FOCAD: variants seen among roughly 807,000 people sequenced by gnomAD.
FOCAD encodes focadhesin.
In FOCAD, 198 loss-of-function variants were observed where a neutral mutation model predicts 225.6. The ratio of observed to expected loss-of-function variants is 0.88; its 90% CI spans 0.78 to 0.99. The LOEUF is 0.99. Ranked by LOEUF, FOCAD falls within the 50% of genes least tolerant of loss-of-function variation. The pLI is 0.00. For missense variants in FOCAD, 2,713 were observed against 2,123.6 expected, an observed-to-expected ratio of 1.28 and a Z score of -5.46; for synonymous variants, 897 against 755.0, an observed-to-expected ratio of 1.19 and a Z score of -3.08.
intron 39 of FOCAD, among the ~76,000 whole-genome samples, chr9:20,984,558 G>C (rs1048569033): frequency 3.3e-5 from 5 of 152,090 alleles, no homozygotes; most frequent in African/African-American, 1.2e-4. Context: ...GAGAAAAGTG[G>C]CATTGTTTTA....
At chr9:20,869,006 C>T (rs765664387) in intron 18 of FOCAD, among the ~76,000 whole-genome samples, 2 of 152,118 alleles carry the variant, frequency 1.3e-5, no homozygotes, top group Non-Finnish European at 2.9e-5. Flanking sequence ...TGTTCATATC[C>T]CAAACAAGTT....
intron 15 of FOCAD, among the ~76,000 whole-genome samples, chr9:20,855,277 CA>C (rs1828055395): frequency 6.6e-6 from 1 of 151,312 alleles, no homozygotes; most frequent in African/African-American, 2.4e-5. Context: ...ATTTTTCTAA[CA>C]TTAAATATGA....
At chr9:20,944,423 C>T in intron 28 of FOCAD, among the ~76,000 whole-genome samples, 1 of 152,086 alleles carries the variant, frequency 6.6e-6, no homozygotes, top group Non-Finnish European at 1.5e-5. Flanking sequence ...GCCACAGATA[C>T]ATGTTTTGAT....
At chr9:20,690,650 G>A (rs2131344262) in intron 1 of FOCAD, among the ~76,000 whole-genome samples, 1 of 152,286 alleles carries the variant, frequency 6.6e-6, no homozygotes, top group Admixed American at 6.5e-5. Context: ...CTGGGCTCAA[G>A]TGGTACTTCT....
chr9:20,802,439 T>G (rs1821948754), intron 11 of FOCAD, among the ~76,000 whole-genome samples: 1 of 152,128 alleles, frequency 6.6e-6, no homozygotes, highest in Non-Finnish European at 1.5e-5. Flanking sequence ...TCAAAGGGAA[T>G]TTTTAGTAGA....
At chr9:20,903,909 G>A (rs972752706) in intron 21 of FOCAD, among the ~76,000 whole-genome samples, 3 of 151,492 alleles carry the variant, frequency 2.0e-5, no homozygotes, top group Non-Finnish European at 2.9e-5. Flanking sequence ...TTCCCTCCTC[G>A]TTTCTTCCTG....
At chr9:20,818,070 T>C (rs543106752) in intron 11 of FOCAD, among the ~76,000 whole-genome samples, 11 of 152,212 alleles carry the variant, frequency 7.2e-5, no homozygotes, top group South Asian at 2.1e-4. Context: ...CTTTTGATGA[T>C]AGCTTTTGCA....
chr9:20,843,622 G>A lies in FOCAD; in HGVS notation c.1921-18956G>A, dbSNP rs534634392. Among the ~76,000 whole-genome samples the A allele has an allele frequency of 5.9e-5, 9 of 152,088 alleles. No homozygotes were observed. The South Asian group carries it at 1.9e-3, about 32-fold the overall frequency. ...AGCTGCTTGGTGTTCCATAACCTTT[G>A]TGTACTTGAATATTGATATCTTTCT... On this transcript the variant is annotated intron_variant, in intron 15 of 43. Coordinates refer to ENST00000338382, the MANE Select transcript of FOCAD (RefSeq NM_001375567.1).
chr9:20,742,942 G>T (rs1292244740), intron 5 of FOCAD, among the ~76,000 whole-genome samples: 1 of 152,210 alleles, frequency 6.6e-6, no homozygotes, highest in Non-Finnish European at 1.5e-5. Flanking sequence ...TTTATGGAGA[G>T]CCCTTATGTG....
chr9:20,862,463 G>C, intron 15 of FOCAD, 115 bp from the exon 16 acceptor site: 1 of 1,170,524 alleles, frequency 8.5e-7, no homozygotes, highest in East Asian at 2.5e-5. Context: ...TATCTTCTAG[G>C]CATAGTCTTA....
At chr9:20,796,282 C>T (rs888741280) in intron 11 of FOCAD, among the ~76,000 whole-genome samples, 3 of 152,186 alleles carry the variant, frequency 2.0e-5, no homozygotes, top group Non-Finnish European at 1.5e-5. Flanking sequence ...CATACGTGTG[C>T]ATGTGTCTTT....
intron 4 of FOCAD, among the ~76,000 whole-genome samples, chr9:20,727,566 A>T (rs937880685): frequency 6.6e-6 from 1 of 152,096 alleles, no homozygotes. Context: ...TTAAGCATGG[A>T]TTTCTCAGAA....
intron 15 of FOCAD, among the ~76,000 whole-genome samples, chr9:20,829,695 A>G (rs890039250): frequency 2.0e-5 from 3 of 152,106 alleles, no homozygotes; most frequent in Admixed American, 6.6e-5. Flanking sequence ...GCCTTTCACT[A>G]CAAAGAGAGC....
At chr9:20,991,338 C>CT (rs931258605) in intron 42 of FOCAD, among the ~76,000 whole-genome samples, 7 of 152,028 alleles carry the variant, frequency 4.6e-5, no homozygotes, top group Admixed American at 1.3e-4. Flanking sequence ...TTCAAACTAA[C>CT]TTTTTTTTGC....
At chr9:20,910,289 C>T (rs1316584814) in intron 22 of FOCAD, among the ~76,000 whole-genome samples, 3 of 150,152 alleles carry the variant, frequency 2.0e-5, no homozygotes, top group Non-Finnish European at 4.4e-5. Context: ...GTTAAGGTCT[C>T]CAGCCTTTTT....
chr9:20,695,957 C>T (rs1055604571), intron 1 of FOCAD, among the ~76,000 whole-genome samples: 1 of 152,192 alleles, frequency 6.6e-6, no homozygotes, highest in Non-Finnish European at 1.5e-5. Flanking sequence ...CATGTGGCAT[C>T]CTTTTATCAT....
At chr9:20,676,630 C>T (rs148990873) in intron 2 of FOCAD, among the ~76,000 whole-genome samples, 210 of 152,300 alleles carry the variant, frequency 1.4e-3, no homozygotes, top group African/African-American at 4.7e-3. Context: ...TCCATTCCCA[C>T]AAACATTTGC....
Position 20,929,683 on chromosome 9 carries a change from T to C in FOCAD, c.3317+87T>C, listed in dbSNP as rs541241544. 4.1e-4 allele frequency: 429 copies of C among 1,042,310 alleles called. 8 individuals carry two copies. The South Asian group carries it at 6.0e-3, about 15-fold the overall frequency. The allele number at this position is 1,042,310 out of a possible 1,614,324, so 64.6% of individuals were successfully genotyped here. A position where few individuals can be genotyped will look rare whatever the true frequency, so the allele number is the denominator to read the frequency against. Reference sequence around the variant, plus strand: ...CCCATATGCACCTATATATAAACATTGTATCTGAGCAATATGTGTTTGCTA... The same window carrying C: ...CCCATATGCACCTATATATAAACATCGTATCTGAGCAATATGTGTTTGCTA... On this transcript the variant is annotated intron_variant, in intron 27 of 43. Coordinates refer to ENST00000338382, the MANE Select transcript of FOCAD (RefSeq NM_001375567.1).
At chr9:20,878,470 T>A (rs1364884560) in intron 19 of FOCAD, among the ~76,000 whole-genome samples, 4 of 152,210 alleles carry the variant, frequency 2.6e-5, no homozygotes, top group African/African-American at 9.6e-5. Context: ...TCAATAATAA[T>A]TAACTTTCGA....
Sources: gnomAD v4.1 joint callset for allele counts (sites outside exome capture counted in the v4.1 genomes callset) on GRCh38, gnomAD v4.1.1 for gene constraint, MANE v1.5 for transcripts, NCBI Gene and HGNC (gene_info 2026-07-23, HGNC 2026-07-21) for gene names.